Variants in EXPH5 observed in about 807,000 individuals in gnomAD.
EXPH5 encodes exophilin-5.
A neutral mutation model predicts 41.1 loss-of-function variants in EXPH5; 42 were observed. The ratio of observed to expected loss-of-function variants is 1.02; its 90% CI spans 0.80 to 1.32. EXPH5 has a LOEUF of 1.32. EXPH5 is among the 40% of genes most tolerant of loss of function. EXPH5 has a pLI of 0.00. For synonymous variants in EXPH5, 798 were observed against 833.5 expected, an observed-to-expected ratio of 0.96 and a Z score of 0.73; for missense variants, 2,298 against 2,314.5, an observed-to-expected ratio of 0.99 and a Z score of 0.15.
intron 1 of EXPH5, among the ~76,000 whole-genome samples, chr11:108,579,600 C>T (rs1028410881): frequency 1.3e-5 from 2 of 151,636 alleles, no homozygotes; most frequent in Non-Finnish European, 2.9e-5. Flanking sequence ...TAAGTGCTTT[C>T]ACCCTGTCTC....
At chr11:108,517,657 C>T (rs2093735443) in intron 5 of EXPH5, among the ~76,000 whole-genome samples, 1 of 152,158 alleles carries the variant, frequency 6.6e-6, no homozygotes, top group Non-Finnish European at 1.5e-5. Context: ...TGTCTAATGT[C>T]AATTAGATTT....
intron 1 of EXPH5, among the ~76,000 whole-genome samples, chr11:108,590,516 G>T (rs1315046952): frequency 1.3e-5 from 2 of 152,166 alleles, no homozygotes; most frequent in East Asian, 1.9e-4. Flanking sequence ...TCAGGAGAAA[G>T]TTCTATGTGT....
At chr11:108,603,580 C>T in the EXPH5 span, among the ~76,000 whole-genome samples, 1 of 152,160 alleles carries the variant, frequency 6.6e-6, no homozygotes, top group Non-Finnish European at 1.5e-5. Context: ...GTGAACCTCC[C>T]CATCCTCACT....
chr11:108,554,754 T>C (rs1428960801), intron 1 of EXPH5, among the ~76,000 whole-genome samples: 1 of 152,138 alleles, frequency 6.6e-6, no homozygotes, highest in Non-Finnish European at 1.5e-5. Flanking sequence ...AAACCCCCTA[T>C]CTACTAAAGA....
intron 3 of EXPH5, among the ~76,000 whole-genome samples, chr11:108,533,151 T>G (rs1940209): frequency 0.025 from 3,845 of 152,230 alleles, 136 homozygotes; most frequent in African/African-American, 0.076. Context: ...TCATCTCTAC[T>G]TCTTTCTCTT....
chr11:108,564,055 G>T (rs1279754923), intron 1 of EXPH5, among the ~76,000 whole-genome samples: 4 of 152,070 alleles, frequency 2.6e-5, no homozygotes, highest in Non-Finnish European at 5.9e-5. Flanking sequence ...TGAGGCGGAC[G>T]GATCACTTGA....
At chr11:108,548,583 T>C (rs2093949476) in intron 1 of EXPH5, among the ~76,000 whole-genome samples, 1 of 152,190 alleles carries the variant, frequency 6.6e-6, no homozygotes, top group South Asian at 2.1e-4. Flanking sequence ...TGGCATTATG[T>C]TTACTATTAC....
chr11:108,564,757 A>G (rs11212708), intron 1 of EXPH5, among the ~76,000 whole-genome samples: 16,193 of 151,998 alleles, frequency 0.11, 1,983 homozygotes, highest in African/African-American at 0.3. Flanking sequence ...CCATTTCCCC[A>G]TGTGCTTGCC....
At chr11:108,516,622 T>A (rs1432749526) in intron 5 of EXPH5, among the ~76,000 whole-genome samples, 1 of 152,254 alleles carries the variant, frequency 6.6e-6, no homozygotes, top group Non-Finnish European at 1.5e-5. Context: ...ACATGCAACA[T>A]GCCAATTAAG....
Position 108,538,190 on chromosome 11 carries a change from C to T in EXPH5, c.443+834G>A, listed in dbSNP as rs564724476. The T allele has an allele frequency of 2.0e-5, 20 of 985,534 alleles. No homozygotes were observed. The South Asian group carries it at 8.0e-4, about 39-fold the overall frequency. 61.0% of individuals were successfully genotyped at this position (985,534 alleles called of 1,614,324 possible). A position where few individuals can be genotyped will look rare whatever the true frequency, so the allele number is the denominator to read the frequency against. ...CCTCTTGTTTCTCAGCGACAGTGAC[C>T]TCCAACACCTTTTATTTAGTGCTGC... On this transcript the variant is annotated intron_variant, in intron 3 of 5. Transcript: ENST00000265843.
chr11:108,514,496 G>T lies in EXPH5; in HGVS notation c.1011C>A (p.Phe337Leu). Residue 337 changes from phenylalanine (F) to leucine (L), a missense_variant, in exon 6 of 6, where the codon TTC becomes TTA. Phe to Leu is a conservative substitution (Grantham distance 22). Transcript: ENST00000265843. Reference sequence around the variant, plus strand: ...CTGGAAAATGTAAGCTTCTTGCTGTGAAATGCCCTGTGGCTGGTAAGGCCG... The same window carrying T: ...CTGGAAAATGTAAGCTTCTTGCTGTTAAATGCCCTGTGGCTGGTAAGGCCG... ...QRSALPATGH[F>L]TARSLHFPAT... The T allele has an allele frequency of 6.2e-7, 1 of 1,612,950 alleles. No homozygotes were observed. Among genetic ancestry groups the T allele is most frequent in the South Asian group, 1.1e-5 (1 of 90,794 alleles).
At chr11:108,586,114 T>C (rs1451361709) in intron 1 of EXPH5, among the ~76,000 whole-genome samples, 1 of 152,036 alleles carries the variant, frequency 6.6e-6, no homozygotes. Flanking sequence ...AATTTTTGTA[T>C]TTTTAGTAGA....
chr11:108,519,903 A>T (rs145747641), intron 4 of EXPH5, among the ~76,000 whole-genome samples: 3,095 of 144,256 alleles, frequency 0.021, 101 homozygotes, highest in African/African-American at 0.072. Flanking sequence ...GTGAGCTAAG[A>T]TCGTGCCACT....
At chr11:108,550,229 ATCTTGAGACT>A in intron 1 of EXPH5, among the ~76,000 whole-genome samples, 1 of 152,222 alleles carries the variant, frequency 6.6e-6, no homozygotes, top group South Asian at 2.1e-4. Flanking sequence ...TCCTCTTGGG[ATCTTGAGACT>A]TCTGTATAAG....
chr11:108,517,053 G>A (rs1394645969), intron 5 of EXPH5, among the ~76,000 whole-genome samples: 1 of 152,064 alleles, frequency 6.6e-6, no homozygotes, highest in African/African-American at 2.4e-5. Flanking sequence ...AATGTATTTA[G>A]AACAGAAAAT....
Position 108,514,503 on chromosome 11 carries a change from C to T in EXPH5, c.1004G>A (p.Gly335Glu). Reference protein sequence around the residue: ...SRQRSALPATGHFTARSLHFP... With the variant: ...SRQRSALPATEHFTARSLHFP... Reference sequence around the variant, plus strand: ...ATGTAAGCTTCTTGCTGTGAAATGCCCTGTGGCTGGTAAGGCCGACCGTTG... The same window carrying T: ...ATGTAAGCTTCTTGCTGTGAAATGCTCTGTGGCTGGTAAGGCCGACCGTTG... The change falls in exon 6 of 6, where the codon GGG (glycine) becomes GAG (glutamate). Residue 335 changes from glycine to glutamate, a missense_variant. Physicochemically the swap from Gly to Glu is moderately conservative, Grantham distance 98. Transcript: ENST00000265843. The T allele has an allele frequency of 6.8e-6, 11 of 1,612,868 alleles. No homozygotes were observed. Among genetic ancestry groups the T allele is most frequent in the Non-Finnish European group, 9.3e-6 (11 of 1,179,426 alleles).
At chr11:108,570,090 G>A (rs991019306) in intron 1 of EXPH5, among the ~76,000 whole-genome samples, 2 of 152,112 alleles carry the variant, frequency 1.3e-5, no homozygotes, top group African/African-American at 4.8e-5. Flanking sequence ...GAGTAACTAG[G>A]GCCTGGCCTG....
chr11:108,581,176 T>G (rs2094096911), intron 1 of EXPH5, among the ~76,000 whole-genome samples: 1 of 151,910 alleles, frequency 6.6e-6, no homozygotes, highest in Non-Finnish European at 1.5e-5. Flanking sequence ...TGGTGGTGAG[T>G]ACCTGTAGTC....
chr11:108,568,181 G>T (rs916039021), intron 1 of EXPH5: 10 of 149,522 alleles, frequency 6.7e-5, no homozygotes, highest in Admixed American at 3.3e-4. Flanking sequence ...TTTTTGGGAG[G>T]GGGGGAGGGC....
Sources: allele counts gnomAD v4.1 joint callset (sites outside exome capture counted in the v4.1 genomes callset), GRCh38; gene constraint gnomAD v4.1.1; transcripts MANE v1.5; gene names NCBI Gene and HGNC (gene_info 2026-07-23, HGNC 2026-07-21).